Variants in MYO5A observed in about 807,000 individuals in gnomAD.
MYO5A encodes the protein unconventional myosin-Va.
In MYO5A, 98 loss-of-function variants were observed where a neutral mutation model predicts 249.7. The observed-to-expected ratio is 0.39, with a 90% CI of 0.33 to 0.46. The LOEUF (loss-of-function observed/expected upper bound fraction) is 0.46, where lower values mean the gene tolerates loss of function less well. Among genes scored for constraint, MYO5A ranks in the 20% least tolerant of loss-of-function variants. The probability of loss-of-function intolerance (pLI) is 0.98; values close to 1 mark genes in which losing one functional copy is unlikely to be tolerated. For missense variants in MYO5A, 1,696 were observed against 2,308.8 expected (o/e 0.73, Z 5.44); for synonymous variants, 778 against 810.6 (o/e 0.96, Z 0.68).
intron 1 of MYO5A, among the ~76,000 whole-genome samples, chr15:52,526,349 A>C (rs4776054): frequency 0.15 from 23,015 of 151,888 alleles, 1,842 homozygotes; most frequent in Middle Eastern, 0.22. Context: ...GGCGTGACTA[A>C]CTCGCCCAGC....
At chr15:52,504,626 G>C (rs1199440063) in intron 1 of MYO5A, among the ~76,000 whole-genome samples, 3 of 152,092 alleles carry the variant, frequency 2.0e-5, no homozygotes, top group Admixed American at 1.3e-4. Context: ...AGAACGCTGG[G>C]CGAGGTGGCT....
At chr15:52,414,074 C>G (rs901200740) in intron 5 of MYO5A, among the ~76,000 whole-genome samples, 3 of 152,078 alleles carry the variant, frequency 2.0e-5, no homozygotes, top group East Asian at 1.9e-4. Context: ...ATAGTGAAAG[C>G]CTTGGTAAAG....
chr15:52,346,507 G>T, intron 29 of MYO5A, 46 bp from the exon 30 acceptor site: 1 of 1,230,154 alleles, frequency 8.1e-7, no homozygotes, highest in Non-Finnish European at 1.2e-6. Context: ...CAACTCAAAA[G>T]CTTTGGACAT....
chr15:52,372,168 T>G lies in MYO5A; in HGVS notation c.2773A>C (p.Met925Leu), dbSNP rs2041158604. ...TGCAGCTGCATGATCTTGTTCTCCATGCCGATGTGCAGCTTCTTATAGCGC... is the reference window on the plus strand; with the variant it reads ...TGCAGCTGCATGATCTTGTTCTCCAGGCCGATGTGCAGCTTCTTATAGCGC... ...VERYKKLHIGMENKIMQLQRK... is the reference protein window; with the variant it reads ...VERYKKLHIGLENKIMQLQRK... Residue 925 changes from methionine to leucine, a missense_variant, in exon 21 of 42, where the codon ATG becomes CTG. Met to Leu is a conservative substitution (Grantham distance 15). This residue lies in a region of MYO5A where 412 missense variants were observed against 453.3 expected (regional missense o/e 0.91). Transcript: ENST00000399233. The G allele has an allele frequency of 6.2e-7, 1 of 1,613,718 alleles. No individual in the cohort carries two copies. Among genetic ancestry groups the G allele is most frequent in the Non-Finnish European group, 8.5e-7 (1 of 1,180,026 alleles).
At chr15:52,512,527 T>C (rs1236324825) in intron 1 of MYO5A, among the ~76,000 whole-genome samples, 1 of 151,890 alleles carries the variant, frequency 6.6e-6, no homozygotes, top group African/African-American at 2.4e-5. Context: ...AAAATATATA[T>C]ATATATAGGG....
intron 1 of MYO5A, among the ~76,000 whole-genome samples, chr15:52,440,202 C>A (rs957055287): frequency 6.6e-6 from 1 of 152,204 alleles, no homozygotes; most frequent in South Asian, 2.1e-4. Flanking sequence ...ACTGCCCTTG[C>A]ACCTCCTTGG....
chr15:52,361,663 C>G (rs1251460345), intron 24 of MYO5A, among the ~76,000 whole-genome samples: 1 of 152,204 alleles, frequency 6.6e-6, no homozygotes, highest in Non-Finnish European at 1.5e-5. Flanking sequence ...CTTGGCATAA[C>G]AAGCATTCAA....
At chr15:52,492,571 C>T (rs914619808) in intron 1 of MYO5A, among the ~76,000 whole-genome samples, 1 of 152,194 alleles carries the variant, frequency 6.6e-6, no homozygotes. Context: ...AGCTTAGGTA[C>T]AGTACACTAC....
In MYO5A at chr15:52,433,413, C is replaced by CTTTT. The variant is rs151276395; in HGVS notation, c.28-132_28-129dup. ...GAAATCTTGGCCAACATGAAATTCA[C>CTTTT]TTTTTTTTTTTTTTTTTTTTTTTTG... On this transcript the variant is annotated intron_variant, in intron 1 of 41. Transcript: ENST00000399233. The CTTTT allele has an allele frequency of 5.8e-3, 1,603 of 274,744 alleles. 15 individuals carry two copies. Among genetic ancestry groups the CTTTT allele is most frequent in the South Asian group, 1.0e-2 (354 of 35,402 alleles). The allele number at this position is 274,744 out of a possible 1,614,324, so 17.0% of individuals were successfully genotyped here.
intron 40 of MYO5A, among the ~76,000 whole-genome samples, chr15:52,316,233 CAAAAAAAA>C (rs5812596): frequency 6.6e-5 from 4 of 60,362 alleles, no homozygotes; most frequent in East Asian, 8.0e-4. Context: ...GACTCCGTCA[CAAAAAAAA>C]AAAAAAAAAA....
intron 1 of MYO5A, 68 bp from the exon 2 acceptor site, chr15:52,433,353 G>T: frequency 9.1e-6 from 7 of 767,114 alleles, no homozygotes; most frequent in East Asian, 3.2e-5. Context: ...ATAAACATAT[G>T]ATAACTATTT....
chr15:52,365,258 C>T (rs2040751353), intron 23 of MYO5A, among the ~76,000 whole-genome samples: 1 of 152,184 alleles, frequency 6.6e-6, no homozygotes, highest in Non-Finnish European at 1.5e-5. Context: ...AGCTTCTAAC[C>T]AGATAAAATG....
In MYO5A at chr15:52,337,870, T is replaced by A; in HGVS notation, c.4254A>T (p.Leu1418Phe). Residue 1418 changes from leucine to phenylalanine, a missense_variant, in exon 33 of 42, where the codon TTA becomes TTT. Coordinates refer to ENST00000399233, the MANE Select transcript of MYO5A (RefSeq NM_001382347.1). ...LTNENLYFEELYADDPKKYQS... is the reference protein window; with the variant it reads ...LTNENLYFEEFYADDPKKYQS... ...GATACTTCTTAGGGTCATCTGCATA[T>A]AATTCCTCAAAATACTGAAAAAACA... 1 of 1,544,074 alleles carries A rather than the reference T, an allele frequency of 6.5e-7. No homozygotes were observed. Among genetic ancestry groups the A allele is most frequent in the Non-Finnish European group, 8.8e-7 (1 of 1,142,630 alleles).
intron 35 of MYO5A, chr15:52,329,018 T>A (rs1478635301): frequency 2.0e-5 from 3 of 152,236 alleles, no homozygotes; most frequent in Non-Finnish European, 4.4e-5. Context: ...CTCTTTATTC[T>A]TTTTACTCCA....
intron 39 of MYO5A, among the ~76,000 whole-genome samples, chr15:52,318,226 C>T (rs2038119406): frequency 6.6e-6 from 1 of 150,916 alleles, no homozygotes; most frequent in South Asian, 2.1e-4. Context: ...GAGGCCGAGA[C>T]AGGTGGATCA....
intron 1 of MYO5A, among the ~76,000 whole-genome samples, chr15:52,443,825 C>A (rs2075834349): frequency 6.6e-6 from 1 of 151,270 alleles, no homozygotes; most frequent in South Asian, 2.1e-4. Context: ...TACTAAAATA[C>A]AAAAAATTAA....
intron 1 of MYO5A, among the ~76,000 whole-genome samples, chr15:52,452,538 C>T (rs946385498): frequency 6.6e-6 from 1 of 152,164 alleles, no homozygotes; most frequent in Non-Finnish European, 1.5e-5. Flanking sequence ...CGCTCTTAAA[C>T]TCAGAGGAGA....
Position 52,379,650 on chromosome 15 carries a change from T to C in MYO5A, c.2183A>G (p.Lys728Arg). The change falls in exon 18 of 42, where the codon AAG (lysine) becomes AGG (arginine). Residue 728 changes from lysine (K) to arginine (R), a missense_variant. Physicochemically the swap from Lys to Arg is conservative, Grantham distance 26. This residue lies in a region of MYO5A where 277 missense variants were observed against 422.4 expected (regional missense o/e 0.66). Transcript: ENST00000399233. ...CAGTATCAGTTTCTCTAACACATTC[T>C]TGCATGTTTGCTTTCTGTCACTCAG... ...DVLSDRKQTC[K>R]NVLEKLILDK... The C allele has an allele frequency of 6.2e-7, 1 of 1,614,136 alleles. No individual in the cohort carries two copies. The highest frequency in any genetic ancestry group is 8.5e-7 in the Non-Finnish European group (1 of 1,179,940).
At chr15:52,362,089 C>T (rs748613870) in intron 24 of MYO5A, among the ~76,000 whole-genome samples, 13 of 152,272 alleles carry the variant, frequency 8.5e-5, no homozygotes, top group Non-Finnish European at 1.8e-4. Context: ...CCCTATATTC[C>T]CTGGACAACC....
Sources: gnomAD v4.1 joint callset for allele counts (sites outside exome capture counted in the v4.1 genomes callset) on GRCh38, gnomAD v4.1.1 for gene constraint, gnomAD v4.1.1 regional missense constraint, MANE v1.5 for transcripts, NCBI Gene and HGNC (gene_info 2026-07-23, HGNC 2026-07-21) for gene names.